Variants in DPCD observed in about 807,000 individuals in gnomAD.
DPCD encodes the protein deleted in primary ciliary dyskinesia homolog (mouse), also known as protein DPCD.
DPCD carries 20 observed loss-of-function variants against 26.4 expected under a neutral mutation model. The ratio of observed to expected loss-of-function variants is 0.76; its 90% CI spans 0.53 to 1.10. The LOEUF is 1.10. Ranked by LOEUF, DPCD falls within the 50% of genes least tolerant of loss-of-function variation. The pLI, the probability that DPCD is intolerant of heterozygous loss-of-function variation, is 0.00. For missense variants in DPCD, 202 were observed against 253.9 expected (o/e 0.80, Z 1.39); for synonymous variants, 97 against 94.2 (o/e 1.03, Z -0.17).
At chr10:101,592,214 T>C (rs2134753943) in intron 1 of DPCD, among the ~76,000 whole-genome samples, 1 of 152,254 alleles carries the variant, frequency 6.6e-6, no homozygotes, top group South Asian at 2.1e-4. Flanking sequence ...AAAGAAAATA[T>C]ATAGTTGGCT....
Position 101,601,352 on chromosome 10 carries a change from G to A in DPCD, c.404+16G>A, listed in dbSNP as rs200909971. Reference sequence around the variant, plus strand: ...CCAACAAGAAGTGAGTAGCGTGGAAGGCACCCTGTGTGCTTGTGTATGAGC... The same window carrying A: ...CCAACAAGAAGTGAGTAGCGTGGAAAGCACCCTGTGTGCTTGTGTATGAGC... On this transcript the variant is annotated intron_variant, in intron 4 of 5. Coordinates refer to ENST00000370151, the MANE Select transcript of DPCD (RefSeq NM_015448.3). The A allele has an allele frequency of 5.0e-6, 8 of 1,613,234 alleles. No individual in the cohort carries two copies. The African/African-American group carries it at 8.0e-5, about 16-fold the overall frequency.
rs1427216041 is a variant in DPCD, at chr10:101,601,301, G to A, written c.369G>A (p.Lys123=). 6.2e-7 allele frequency: 1 copy of A among 1,613,874 alleles called. No homozygotes were observed. The highest frequency in any genetic ancestry group is 1.7e-5 in the Admixed American group (1 of 60,018). The part of the protein sequence containing the change: ...KDVYSVSVDQ[K]ERCIIVRTTN... Reference sequence around the variant, plus strand: ...TCTATAGTGTCTCTGTGGACCAGAAGGAGCGCTGCATCATTGTCAGAACAA... The same window carrying A: ...TCTATAGTGTCTCTGTGGACCAGAAAGAGCGCTGCATCATTGTCAGAACAA... The change falls in exon 4 of 6, where the codon AAG becomes AAA. Residue 123 remains lysine (K), a synonymous_variant. Coordinates refer to ENST00000370151, the MANE Select transcript of DPCD (RefSeq NM_015448.3).
intron 1 of DPCD, among the ~76,000 whole-genome samples, chr10:101,591,181 A>G (rs986391673): frequency 1.3e-5 from 2 of 152,208 alleles, no homozygotes; most frequent in African/African-American, 4.8e-5. Flanking sequence ...AGTGATATCC[A>G]TTGTATGTCT....
rs1448401724 is a variant in DPCD at position 101,600,310 on chromosome 10, T to G, written c.146-428T>G. On this transcript the variant is annotated intron_variant, in intron 2 of 5. Coordinates refer to ENST00000370151, the MANE Select transcript of DPCD (RefSeq NM_015448.3). This position sits in a 1 kb window ranked among gnomAD's most constrained non-coding sequence, Gnocchi z 4.7. ...CGAACAGCTTTCACCCTCTTAATTATTTTTTCCTCTGCATGTTTTTGAGGG... is the reference window on the plus strand; with the variant it reads ...CGAACAGCTTTCACCCTCTTAATTAGTTTTTCCTCTGCATGTTTTTGAGGG... 1.3e-5 allele frequency among the ~76,000 whole-genome samples: 2 copies of G among 152,218 alleles called. No homozygotes were observed. The highest frequency in any genetic ancestry group is 4.8e-5 in the African/African-American group (2 of 41,450).
chr10:101,606,740 AG>A (rs2063735609), intron 4 of DPCD, among the ~76,000 whole-genome samples: 1 of 152,152 alleles, frequency 6.6e-6, no homozygotes, highest in Non-Finnish European at 1.5e-5. Context: ...CCAGAAGCAC[AG>A]TGGGTCTCTC....
At chr10:101,591,721 G>T (rs2063609654) in intron 1 of DPCD, among the ~76,000 whole-genome samples, 1 of 151,328 alleles carries the variant, frequency 6.6e-6, no homozygotes, top group Admixed American at 6.6e-5. Context: ...CACTCTTGTT[G>T]CCCAAACTGG....
intron 4 of DPCD, among the ~76,000 whole-genome samples, chr10:101,607,691 C>G (rs1362426204): frequency 1.3e-5 from 2 of 152,084 alleles, no homozygotes; most frequent in East Asian, 3.8e-4. Flanking sequence ...CTCTGAAGTA[C>G]TAAAAGCCCC....
At chr10:101,588,643 T>A in intron 1 of DPCD, 1 of 1,342,730 alleles carries the variant, frequency 7.4e-7, no homozygotes, top group Non-Finnish European at 9.5e-7. Flanking sequence ...GTTGCTAATA[T>A]AGTAATTTCT....
intron 2 of DPCD, 122 bp downstream of exon 2, chr10:101,594,860 C>T (rs762904347): frequency 2.2e-5 from 19 of 874,922 alleles, no homozygotes; most frequent in Admixed American, 6.9e-5. Context: ...CTGGGAGAGA[C>T]GGAAGCCCTC....
rs369931675 is a variant in DPCD, at chr10:101,588,322, C to T, written c.-15C>T. 474 of 1,600,014 alleles carry T rather than the reference C, an allele frequency of 3.0e-4. No individual in the cohort carries two copies. The highest frequency in any genetic ancestry group is 3.9e-4 in the Non-Finnish European group (459 of 1,172,734). ...GCCATGGCAGCGGCTGGGCGTGCTG[C>T]TTAGCAGGGGAAAGATGGCGGTGAC... On this transcript the variant is annotated 5_prime_UTR_variant, in exon 1 of 6. Coordinates refer to ENST00000370151, the MANE Select transcript of DPCD (RefSeq NM_015448.3).
intron 4 of DPCD, among the ~76,000 whole-genome samples, chr10:101,606,973 C>G (rs1426214583): frequency 6.6e-6 from 1 of 152,212 alleles, no homozygotes; most frequent in African/African-American, 2.4e-5. Context: ...GAGCCTCCAC[C>G]TGCTCTGCCT....
rs79075047 is a variant in DPCD at position 101,600,145 on chromosome 10, T to C, written c.146-593T>C. ...TTTTATAAACCGTGCATTTAAAATA[T>C]GGCATGTGCCTACGATTTTGTTTAA... On this transcript the variant is annotated intron_variant, in intron 2 of 5. Transcript: ENST00000370151. The surrounding 1 kb of genome is among the most constrained non-coding windows in gnomAD (Gnocchi z 4.7). Among the ~76,000 whole-genome samples the C allele has an allele frequency of 9.8e-5, 15 of 152,378 alleles. No individual in the cohort carries two copies. The highest frequency in any genetic ancestry group is 2.2e-4 in the Non-Finnish European group (15 of 68,032).
intron 1 of DPCD, among the ~76,000 whole-genome samples, chr10:101,589,339 G>A (rs2063556750): frequency 2.0e-5 from 3 of 152,228 alleles, no homozygotes; most frequent in Non-Finnish European, 4.4e-5. Flanking sequence ...ATAATAAGAA[G>A]CGTTAAATAG....
At chr10:101,598,465 C>T (rs917539550) in intron 2 of DPCD, among the ~76,000 whole-genome samples, 7 of 151,964 alleles carry the variant, frequency 4.6e-5, no homozygotes, top group Admixed American at 1.3e-4. Context: ...GGAGTTTAGC[C>T]GTGGCATTTG....
chr10:101,606,663 ACAGTTGATGC>A (rs1264144201), intron 4 of DPCD, among the ~76,000 whole-genome samples: 1 of 152,162 alleles, frequency 6.6e-6, no homozygotes, highest in Non-Finnish European at 1.5e-5. Flanking sequence ...GGTCTGGGAC[ACAGTTGATGC>A]CCAATAAATG....
intron 5 of DPCD, 72 bp from the exon 6 acceptor site, chr10:101,609,295 G>A (rs944128654): frequency 8.1e-6 from 12 of 1,476,974 alleles, no homozygotes; most frequent in African/African-American, 1.4e-5. Flanking sequence ...GAAGGAGAAG[G>A]GGCCCCAAGT....
In DPCD at chr10:101,609,362, C is replaced by G; in HGVS notation, c.508-5C>G. On this transcript the variant is annotated splice_polypyrimidine_tract_variant and splice_region_variant and intron_variant, in intron 5 of 5. Transcript: ENST00000370151. ...TTATTTTCTTATTCCTGGCTGCATC[C>G]ACAGTACCAGAAGCCAAAGGAGGTT... The G allele has an allele frequency of 6.2e-7, 1 of 1,613,928 alleles. No homozygotes were observed. The highest frequency in any genetic ancestry group is 8.5e-7 in the Non-Finnish European group (1 of 1,179,874).
intron 2 of DPCD, among the ~76,000 whole-genome samples, chr10:101,599,876 G>A (rs546726489): frequency 3.0e-4 from 45 of 152,328 alleles, no homozygotes; most frequent in African/African-American, 1.1e-3. Context: ...GAAAGGAACT[G>A]GGGGATAGGA....
intron 4 of DPCD, among the ~76,000 whole-genome samples, chr10:101,608,209 C>T (rs1046106413): frequency 5.3e-5 from 8 of 152,142 alleles, no homozygotes; most frequent in Non-Finnish European, 8.8e-5. Flanking sequence ...TGGGGCCAGC[C>T]AAGTAGTCCA....
Sources: gnomAD v4.1 joint callset for allele counts (sites outside exome capture counted in the v4.1 genomes callset) on GRCh38, gnomAD v4.1.1 for gene constraint, Gnocchi (gnomAD v3.1) non-coding constraint, MANE v1.5 for transcripts, NCBI Gene and HGNC (gene_info 2026-07-23, HGNC 2026-07-21) for gene names.